Variants in PDE3A observed in about 807,000 individuals in gnomAD.
PDE3A encodes cGMP-inhibited 3',5'-cyclic phosphodiesterase 3A.
PDE3A carries 43 observed loss-of-function variants against 98.3 expected under a neutral mutation model. That is an observed-to-expected ratio of 0.44 (90% CI 0.34 to 0.56). PDE3A has a LOEUF of 0.56. PDE3A is among the 20% of genes least tolerant of loss of function. The pLI is 0.01. For synonymous variants in PDE3A, 663 were observed against 567.9 expected, an observed-to-expected ratio of 1.17 and a Z score of -2.38; for missense variants, 1,427 against 1,440.7, an observed-to-expected ratio of 0.99 and a Z score of 0.15.
At chr12:20,623,910 A>C (rs1944198713) in intron 5 of PDE3A, among the ~76,000 whole-genome samples, 1 of 152,164 alleles carries the variant, frequency 6.6e-6, no homozygotes, top group Non-Finnish European at 1.5e-5. Context: ...GGGTCAATCC[A>C]AACAAACATT....
At chr12:20,416,524 G>A (rs1944424019) in intron 1 of PDE3A, among the ~76,000 whole-genome samples, 1 of 152,164 alleles carries the variant, frequency 6.6e-6, no homozygotes, top group Non-Finnish European at 1.5e-5. Context: ...AGGAATAGTA[G>A]AATAAATAAA....
intron 1 of PDE3A, among the ~76,000 whole-genome samples, chr12:20,375,232 T>C (rs560540933): frequency 6.6e-5 from 10 of 152,162 alleles, no homozygotes; most frequent in South Asian, 2.1e-4. Context: ...TAAAGATGTG[T>C]TCCATTAATG....
In PDE3A at chr12:20,561,139, T is replaced by C. The variant is rs888714957; in HGVS notation, c.1011+4429T>C. ...AGCCAGGAGTGATGGCATGTGACTG[T>C]AGTCTCAGCTACTCGCAAGACTGAG... On this transcript the variant is annotated intron_variant, in intron 2 of 15. Transcript: ENST00000359062. Among the ~76,000 whole-genome samples, 48 of 151,942 alleles carry C rather than the reference T, an allele frequency of 3.2e-4. 2 individuals are homozygous for C. The highest frequency in any genetic ancestry group is 4.4e-5 in the Non-Finnish European group (3 of 68,020).
chr12:20,386,090 A>AAATATATAT (rs1565532489), intron 1 of PDE3A, among the ~76,000 whole-genome samples: 17 of 15,132 alleles, frequency 1.1e-3, no homozygotes, highest in Non-Finnish European at 5.7e-4. Flanking sequence ...TAAATATATA[A>AAATATATAT]ATATATATAA....
At chr12:20,554,166 A>AAAAC (rs200949106) in intron 1 of PDE3A, among the ~76,000 whole-genome samples, 5,369 of 151,526 alleles carry the variant, frequency 0.035, 132 homozygotes, top group Middle Eastern at 0.065. Context: ...ATACCTCAAT[A>AAAAC]AAACAGGGAT....
chr12:20,485,467 C>T (rs1945710941), intron 1 of PDE3A, among the ~76,000 whole-genome samples: 2 of 151,954 alleles, frequency 1.3e-5, no homozygotes, highest in Admixed American at 6.5e-5. Context: ...CACAATTCAA[C>T]CCATAAGAAT....
At chr12:20,523,033 T>G (rs1415172429) in intron 1 of PDE3A, among the ~76,000 whole-genome samples, 2 of 151,312 alleles carry the variant, frequency 1.3e-5, no homozygotes, top group Non-Finnish European at 2.9e-5. Flanking sequence ...GGAGGAGGTC[T>G]AAATACCAAG....
At chr12:20,555,242 C>T (rs1942340199) in intron 1 of PDE3A, among the ~76,000 whole-genome samples, 1 of 152,172 alleles carries the variant, frequency 6.6e-6, no homozygotes, top group African/African-American at 2.4e-5. Flanking sequence ...TCGAACTCCT[C>T]ACCACAGGAA....
At chr12:20,395,688 T>TA in intron 1 of PDE3A, among the ~76,000 whole-genome samples, 1 of 143,422 alleles carries the variant, frequency 7.0e-6, no homozygotes, top group Admixed American at 7.1e-5. Context: ...AATAGAATCA[T>TA]TATATATATA....
chr12:20,448,375 C>T (rs1045174037), intron 1 of PDE3A, among the ~76,000 whole-genome samples: 4 of 152,122 alleles, frequency 2.6e-5, no homozygotes, highest in East Asian at 3.9e-4. Flanking sequence ...CGGGAGGCGG[C>T]AGTTGCTGTG....
chr12:20,426,883 A>C (rs1442347895), intron 1 of PDE3A, among the ~76,000 whole-genome samples: 1 of 152,182 alleles, frequency 6.6e-6, no homozygotes, highest in African/African-American at 2.4e-5. Flanking sequence ...TGGGCAGTAA[A>C]GGAATTAAAT....
At chr12:20,376,384 G>C (rs1943571237) in intron 1 of PDE3A, among the ~76,000 whole-genome samples, 1 of 151,780 alleles carries the variant, frequency 6.6e-6, no homozygotes, top group Non-Finnish European at 1.5e-5. Context: ...TTAACCCTGG[G>C]TATCATTTGT....
intron 1 of PDE3A, among the ~76,000 whole-genome samples, chr12:20,505,297 T>C (rs1051255224): frequency 1.3e-5 from 2 of 152,104 alleles, no homozygotes; most frequent in African/African-American, 4.8e-5. Context: ...CCTTTTCTCC[T>C]ACTGTTAACT....
At chr12:20,584,460 C>T (rs546517419) in intron 2 of PDE3A, among the ~76,000 whole-genome samples, 2 of 152,140 alleles carry the variant, frequency 1.3e-5, no homozygotes, top group African/African-American at 4.8e-5. Context: ...GTAGCATTTT[C>T]CCCAAATATC....
At chr12:20,660,879 G>T (rs1279773106) in intron 15 of PDE3A, among the ~76,000 whole-genome samples, 1 of 152,076 alleles carries the variant, frequency 6.6e-6, no homozygotes, top group Non-Finnish European at 1.5e-5. Context: ...GGTACTGGTA[G>T]AGTTGGGTGC....
At chr12:20,635,184 G>C in intron 8 of PDE3A, 128 bp downstream of exon 8, 6 of 747,006 alleles carry the variant, frequency 8.0e-6, no homozygotes, top group Non-Finnish European at 1.1e-5. Context: ...ATTTTGGGAG[G>C]ACGAAGCGGG....
At chr12:20,501,183 TTC>T (rs1946018382) in intron 1 of PDE3A, among the ~76,000 whole-genome samples, 1 of 152,204 alleles carries the variant, frequency 6.6e-6, no homozygotes, top group African/African-American at 2.4e-5. Context: ...TAATACTAGG[TTC>T]TCTCAATTCT....
At chr12:20,504,347 C>T (rs781008154) in intron 1 of PDE3A, among the ~76,000 whole-genome samples, 2 of 150,056 alleles carry the variant, frequency 1.3e-5, no homozygotes, top group Non-Finnish European at 3.0e-5. Flanking sequence ...GAGTCTGATA[C>T]ATTTTAGACT....
rs775779592 is a variant in PDE3A, at chr12:20,621,420, C to G, written c.1540+9C>G. ...AAAGCAAAGTCGACCAGGTAAGTAA[C>G]TTAACTGGAGAAGGGTTCATACTGT... is the stretch of plus-strand genomic sequence containing the variant. On this transcript the variant is annotated intron_variant, in intron 5 of 15. Transcript: ENST00000359062. 1 of 1,417,200 alleles carries G rather than the reference C, an allele frequency of 7.1e-7. No homozygotes were observed. Among genetic ancestry groups the G allele is most frequent in the Non-Finnish European group, 1.0e-6 (1 of 1,000,692 alleles). The allele number at this position is 1,417,200 out of a possible 1,614,324, so 87.8% of individuals were successfully genotyped here.
Sources: allele counts gnomAD v4.1 joint callset (sites outside exome capture counted in the v4.1 genomes callset), GRCh38; gene constraint gnomAD v4.1.1; transcripts MANE v1.5; gene names NCBI Gene and HGNC (gene_info 2026-07-23, HGNC 2026-07-21).